The following AP1M1 variants were observed in gnomAD, a reference collection of about 807,000 sequenced individuals.
AP1M1 encodes adaptor related protein complex 1 subunit mu 1, also known as AP-1 complex subunit mu-1.
A neutral mutation model predicts 57.1 loss-of-function variants in AP1M1; 18 were observed. The observed-to-expected ratio is 0.32, with a 90% confidence interval of 0.22 to 0.47. The LOEUF is 0.47. AP1M1 is among the 20% of genes least tolerant of loss of function. The pLI is 1.00. For missense variants in AP1M1, 362 were observed against 593.5 expected (o/e 0.61, Z 4.05); for synonymous variants, 241 against 237.9 (o/e 1.01, Z -0.12).
rs2091658536 is a variant in AP1M1 at position 16,244,908 on chromosome 19, T to TGTTGTTGTC, written c.*10480_*10481insTCGTTGTTG. 2.6e-5 allele frequency: 4 copies of TGTTGTTGTC among 152,616 alleles called. No individual in the cohort carries two copies. The highest frequency in any genetic ancestry group is 3.4e-3 in the Middle Eastern group (1 of 298). The allele number at this position is 152,616 out of a possible 1,614,324, so 9.5% of individuals were successfully genotyped here. On this transcript the variant is annotated 3_prime_UTR_variant, in exon 12 of 12. Transcript: ENST00000291439. The stretch of plus-strand genomic sequence containing the variant: ...TTGTTGTTGTTGTTGTTGTTGTTGT[T>TGTTGTTGTC]GTTGTTGAGACGGAGTTTCGCTCTT...
intron 9 of AP1M1, among the ~76,000 whole-genome samples, chr19:16,231,287 C>CAAAAAAA (rs1231125818): frequency 2.6e-5 from 3 of 115,170 alleles, no homozygotes; most frequent in African/African-American, 4.3e-5. Flanking sequence ...GACTCTGTCT[C>CAAAAAAA]AAAAAAAAAA....
intron 4 of AP1M1, chr19:16,208,776 C>T (rs2091480769): frequency 2.6e-6 from 1 of 390,488 alleles, no homozygotes; most frequent in Non-Finnish European, 4.6e-6. Context: ...CTTCTTGGTC[C>T]CCCAAAATGA....
rs924961586 is a variant in AP1M1 at position 16,239,900 on chromosome 19, A to G, written c.*5465A>G. 1 of 152,188 alleles carries G rather than the reference A, an allele frequency of 6.6e-6. No homozygotes were observed. Among genetic ancestry groups the G allele is most frequent in the African/African-American group, 2.4e-5 (1 of 41,448 alleles). 9.4% of individuals were successfully genotyped at this position (152,188 alleles called of 1,614,324 possible). ...GAGGCAGTTACCCGGGACATAGCACAGCTAATGAGACATATATATATTTAC... is the reference window on the plus strand; with the variant it reads ...GAGGCAGTTACCCGGGACATAGCACGGCTAATGAGACATATATATATTTAC... On this transcript the variant is annotated 3_prime_UTR_variant, in exon 12 of 12. Transcript: ENST00000291439.
chr19:16,234,196 C>A lies in AP1M1; in HGVS notation c.1174-3C>A. ...GCTCAGGGCCCTGCTACCTGTGCCCCAGGTGCGCTACCTGAAGATCATTGA... is the reference window on the plus strand; with the variant it reads ...GCTCAGGGCCCTGCTACCTGTGCCCAAGGTGCGCTACCTGAAGATCATTGA... On this transcript the variant is annotated splice_polypyrimidine_tract_variant and splice_region_variant and intron_variant, in intron 10 of 11. Transcript: ENST00000291439. The A allele has an allele frequency of 6.2e-7, 1 of 1,612,688 alleles. No homozygotes were observed. The highest frequency in any genetic ancestry group is 1.7e-5 in the Admixed American group (1 of 59,822).
In AP1M1 at chr19:16,227,650, A is replaced by T; in HGVS notation, c.776A>T (p.Asp259Val). The change falls in exon 7 of 12, where the codon GAC (aspartate) becomes GTC (valine). Residue 259 changes from aspartate to valine, a missense_variant. Around this residue, in one of 2 missense-constraint regions of AP1M1, gnomAD observed 337 missense variants for 511.1 expected, o/e 0.66. Coordinates refer to ENST00000291439, the MANE Select transcript of AP1M1 (RefSeq NM_032493.4). The surrounding 1 kb of genome is among the most constrained non-coding windows in gnomAD (Gnocchi z 6.2). Reference sequence around the variant, plus strand: ...CGCACCATCTCCTTCATCCCACCCGACGGCGAGTTCGAGCTCATGTCCTAC... The same window carrying T: ...CGCACCATCTCCTTCATCCCACCCGTCGGCGAGTTCGAGCTCATGTCCTAC... The part of the protein sequence containing the change: ...NDRTISFIPP[D>V]GEFELMSYRL... 6.2e-7 allele frequency: 1 copy of T among 1,613,874 alleles called. No homozygotes were observed. The highest frequency in any genetic ancestry group is 8.5e-7 in the Non-Finnish European group (1 of 1,179,890).
chr19:16,208,990 C>T (rs376188177), intron 4 of AP1M1, 40 bp from the exon 5 acceptor site: 65 of 1,593,116 alleles, frequency 4.1e-5, no homozygotes, highest in African/African-American at 2.5e-4. Context: ...GGCGTTGGTG[C>T]GGGTACCACC....
At position 16,197,975 on chromosome 19, in the gene AP1M1, T is replaced by TCGCTGCCGCCGTCACCGCCCTCGGC; in HGVS notation, c.-41_-40insTCACCGCCCTCGGCCGCTGCCGCCG. The TCGCTGCCGCCGTCACCGCCCTCGGC allele has an allele frequency of 1.4e-6, 2 of 1,451,820 alleles. No individual in the cohort carries two copies. Among genetic ancestry groups the TCGCTGCCGCCGTCACCGCCCTCGGC allele is most frequent in the South Asian group, 1.3e-5 (1 of 77,830 alleles). 89.9% of individuals were successfully genotyped at this position (1,451,820 alleles called of 1,614,324 possible). ...GCTCAACGCCCAGCAGTCCCCACCG[T>TCGCTGCCGCCGTCACCGCCCTCGGC]CGCTGCCGCCGCCACCGCCCTCGGC... is the stretch of plus-strand genomic sequence containing the variant. On this transcript the variant is annotated 5_prime_UTR_variant, in exon 1 of 12. Transcript: ENST00000291439.
rs1160970274 is a variant in AP1M1 at position 16,237,213 on chromosome 19, C to T, written c.*2778C>T. 6.6e-6 allele frequency: 1 copy of T among 152,214 alleles called. No individual in the cohort carries two copies. Among genetic ancestry groups the T allele is most frequent in the Non-Finnish European group, 1.5e-5 (1 of 68,044 alleles). 9.4% of individuals were successfully genotyped at this position (152,214 alleles called of 1,614,324 possible). On this transcript the variant is annotated 3_prime_UTR_variant, in exon 12 of 12. Transcript: ENST00000291439. ...CTTTGGGAAGCCGAGGCAGACCGAT[C>T]ACTGGAGGTCAGGAGTTCGAGACCA...
intron 5 of AP1M1, among the ~76,000 whole-genome samples, chr19:16,220,928 A>G (rs77667341): frequency 6.6e-6 from 1 of 152,002 alleles, no homozygotes; most frequent in Non-Finnish European, 1.5e-5. Flanking sequence ...TTATTCCCCT[A>G]TAGGTGATGT....
chr19:16,229,207 C>T (rs1475044704), intron 9 of AP1M1, among the ~76,000 whole-genome samples: 1 of 152,172 alleles, frequency 6.6e-6, no homozygotes, highest in African/African-American at 2.4e-5. Flanking sequence ...TCTGTGATGC[C>T]CCTGAGTACT....
At chr19:16,221,179 G>A (rs900446439) in intron 5 of AP1M1, among the ~76,000 whole-genome samples, 1 of 152,292 alleles carries the variant, frequency 6.6e-6, no homozygotes, top group South Asian at 2.1e-4. Context: ...CCAGTCTGGA[G>A]TGCAATGGCA....
At chr19:16,214,910 G>A (rs11880575) in intron 5 of AP1M1, among the ~76,000 whole-genome samples, 4 of 151,412 alleles carry the variant, frequency 2.6e-5, no homozygotes, top group African/African-American at 9.7e-5. Flanking sequence ...CACCACACCC[G>A]GCTAATGTAT....
At chr19:16,215,123 T>TA (rs1334770508) in intron 5 of AP1M1, among the ~76,000 whole-genome samples, 2 of 145,548 alleles carry the variant, frequency 1.4e-5, no homozygotes, top group African/African-American at 5.1e-5. Context: ...GGAATTTCTT[T>TA]AAAAATGTTT....
intron 10 of AP1M1, 26 bp from the exon 11 acceptor site, chr19:16,234,173 T>C (rs998891779): frequency 5.0e-6 from 8 of 1,604,802 alleles, no homozygotes; most frequent in Non-Finnish European, 6.8e-6. Context: ...CCTGCGGTGC[T>C]CAGGGCCCTG....
rs545379307 is a variant in AP1M1 at position 16,203,067 on chromosome 19, G to A, written c.43-392G>A. 21 of 228,996 alleles carry A rather than the reference G, an allele frequency of 9.2e-5. 1 individual carries two copies. The highest frequency in any genetic ancestry group is 7.7e-4 in the South Asian group (15 of 19,364). The allele number at this position is 228,996 out of a possible 1,614,324, so 14.2% of individuals were successfully genotyped here. A position where few individuals can be genotyped will look rare whatever the true frequency, so the allele number is the denominator to read the frequency against. ...ACTTCAGTAAATACGAACCTTCAGC[G>A]GGAGTGGGCGCCCTGACACAGGCGG... is the stretch of plus-strand genomic sequence containing the variant. On this transcript the variant is annotated intron_variant, in intron 1 of 11. Transcript: ENST00000291439. This position sits in a 1 kb window ranked among gnomAD's most constrained non-coding sequence, Gnocchi z 4.6.
chr19:16,227,744 C>G lies in AP1M1; in HGVS notation c.816+54C>G. On this transcript the variant is annotated intron_variant, in intron 7 of 11. Coordinates refer to ENST00000291439, the MANE Select transcript of AP1M1 (RefSeq NM_032493.4). This position sits in a 1 kb window ranked among gnomAD's most constrained non-coding sequence, Gnocchi z 6.2. ...TCGGCAGACTCCTCCTCCCCTTCACCTCCAGGAGGTGAAGCCCAGGCAGGC... is the reference window on the plus strand; with the variant it reads ...TCGGCAGACTCCTCCTCCCCTTCACGTCCAGGAGGTGAAGCCCAGGCAGGC... 1.3e-6 allele frequency: 2 copies of G among 1,588,614 alleles called. No homozygotes were observed. The highest frequency in any genetic ancestry group is 3.4e-5 in the Admixed American group (2 of 59,470).
chr19:16,210,219 A>G lies in AP1M1; in HGVS notation c.546+1042A>G. ...GCATATCAAAAGTCTGTTCCCTTTT[A>G]TATTTATTTATATTTATTTTCTGTT... On this transcript the variant is annotated intron_variant, in intron 5 of 11. Coordinates refer to ENST00000291439, the MANE Select transcript of AP1M1 (RefSeq NM_032493.4). 5 of 574,722 alleles carry G rather than the reference A, an allele frequency of 8.7e-6. No homozygotes were observed. In the South Asian group the frequency reaches 1.2e-4, roughly 14 times the overall value. The allele number at this position is 574,722 out of a possible 1,614,324, so 35.6% of individuals were successfully genotyped here.
rs1030290932 is a variant in AP1M1, at chr19:16,240,618, T to C, written c.*6183T>C. The C allele has an allele frequency of 4.0e-5, 6 of 151,770 alleles. No individual in the cohort carries two copies. The highest frequency in any genetic ancestry group is 1.5e-4 in the African/African-American group (6 of 41,252). 9.4% of individuals were successfully genotyped at this position (151,770 alleles called of 1,614,324 possible). A position where few individuals can be genotyped will look rare whatever the true frequency, so the allele number is the denominator to read the frequency against. On this transcript the variant is annotated 3_prime_UTR_variant, in exon 12 of 12. Transcript: ENST00000291439. ...GTGCACACCACCACGCCCGGCTAAT[T>C]TTTGTATTTTTTGTAGAGATGGGGT... is the stretch of plus-strand genomic sequence containing the variant.
rs1447034829 is a variant in AP1M1 at position 16,239,609 on chromosome 19, C to G, written c.*5174C>G. ...ACCAGCCTGGCCAACATGGTAAAAC[C>G]TGATTGCTACTAAAAATACAAAAGA... On this transcript the variant is annotated 3_prime_UTR_variant, in exon 12 of 12. Transcript: ENST00000291439. The G allele has an allele frequency of 6.6e-6, 1 of 151,844 alleles. No individual in the cohort carries two copies. Among genetic ancestry groups the G allele is most frequent in the African/African-American group, 2.4e-5 (1 of 41,338 alleles). The allele number at this position is 151,844 out of a possible 1,614,324, so 9.4% of individuals were successfully genotyped here.
Sources: allele counts gnomAD v4.1 joint callset (sites outside exome capture counted in the v4.1 genomes callset), GRCh38; gene constraint gnomAD v4.1.1; regional missense constraint gnomAD v4.1.1; non-coding constraint Gnocchi (gnomAD v3.1); transcripts MANE v1.5; gene names NCBI Gene and HGNC (gene_info 2026-07-23, HGNC 2026-07-21).